The following SHISA9 variants were observed in gnomAD, a reference collection of about 807,000 sequenced individuals.
SHISA9 encodes the protein shisa family member 9.
A neutral mutation model predicts 38.0 loss-of-function variants in SHISA9; 13 were observed. That is an observed-to-expected ratio of 0.34 (90% confidence interval 0.22 to 0.54). The LOEUF is 0.54. Ranked by LOEUF, SHISA9 falls within the 20% of genes least tolerant of loss-of-function variation. SHISA9 has a pLI of 0.91. For missense variants in SHISA9, 538 were observed against 575.8 expected, an observed-to-expected ratio of 0.93 and a Z score of 0.67; for synonymous variants, 275 against 242.0, an observed-to-expected ratio of 1.14 and a Z score of -1.27.
intron 2 of SHISA9, among the ~76,000 whole-genome samples, chr16:13,017,856 A>G (rs879580614): frequency 5.9e-5 from 9 of 152,236 alleles, no homozygotes; most frequent in Non-Finnish European, 1.3e-4. Flanking sequence ...CATGCATTCA[A>G]TCCAGAATGT....
At chr16:13,464,826 C>T in the SHISA9 span, among the ~76,000 whole-genome samples, 35,559 of 150,948 alleles carry the variant, frequency 0.24, 4,309 homozygotes, top group South Asian at 0.31. Context: ...TATGCCCACC[C>T]CCACCCCCCA....
At chr16:13,521,445 T>C in the SHISA9 span, among the ~76,000 whole-genome samples, 5 of 152,226 alleles carry the variant, frequency 3.3e-5, no homozygotes, top group Non-Finnish European at 5.9e-5. Flanking sequence ...ATTTACACAA[T>C]TGACTCTGCT....
the SHISA9 span, among the ~76,000 whole-genome samples, chr16:13,353,168 G>A: frequency 1.3e-5 from 2 of 152,166 alleles, no homozygotes; most frequent in Non-Finnish European, 2.9e-5. Context: ...CCTAGAGTGG[G>A]AGAGATTAAG....
chr16:13,241,020 G>T (rs1387307349), downstream of SHISA9, among the ~76,000 whole-genome samples: 1 of 152,190 alleles, frequency 6.6e-6, no homozygotes, highest in African/African-American at 2.4e-5. Flanking sequence ...ACTATGCACG[G>T]CTGGAGTTTC....
chr16:13,249,967 C>A, the SHISA9 span, among the ~76,000 whole-genome samples: 44 of 152,260 alleles, frequency 2.9e-4, no homozygotes, highest in Non-Finnish European at 6.0e-4. Flanking sequence ...CTCCTAGGCT[C>A]AAGCAATGCT....
At chr16:13,416,438 T>C in the SHISA9 span, among the ~76,000 whole-genome samples, 1,077 of 152,260 alleles carry the variant, frequency 7.1e-3, 7 homozygotes, top group African/African-American at 0.022. Flanking sequence ...AGTTTAACCA[T>C]CATATGTCAT....
intron 2 of SHISA9, among the ~76,000 whole-genome samples, chr16:12,975,238 C>T (rs960860346): frequency 1.3e-5 from 2 of 152,090 alleles, no homozygotes; most frequent in East Asian, 1.9e-4. Flanking sequence ...TTGGGGAGGG[C>T]GTTCAAGAAT....
the SHISA9 span, among the ~76,000 whole-genome samples, chr16:13,406,922 G>T: frequency 6.6e-6 from 1 of 151,844 alleles, no homozygotes; most frequent in South Asian, 2.1e-4. Flanking sequence ...TACAAAATTA[G>T]CTGGGTGTGG....
In SHISA9 at chr16:12,955,280, C is replaced by T. The variant is rs566998845; in HGVS notation, c.691+38465C>T. On this transcript the variant is annotated intron_variant, in intron 2 of 4. Coordinates refer to ENST00000558583, the MANE Select transcript of SHISA9 (RefSeq NM_001145204.3). ...AGTTTGGTTCACTTAATGGCCATTG[C>T]TTCCTCATTTTCTTGCCAAGTGACC... is the stretch of plus-strand genomic sequence containing the variant. Among the ~76,000 whole-genome samples, 402 of 152,196 alleles carry T rather than the reference C, an allele frequency of 2.6e-3. 1 individual carries two copies. The highest frequency in any genetic ancestry group is 4.3e-3 in the Admixed American group (65 of 15,280).
chr16:13,113,849 A>G (rs1196011401), intron 2 of SHISA9, among the ~76,000 whole-genome samples: 1 of 152,204 alleles, frequency 6.6e-6, no homozygotes, highest in Non-Finnish European at 1.5e-5. Flanking sequence ...GTCAAGAGGA[A>G]TTATCACCTG....
intron 1 of SHISA9, chr16:12,911,731 T>A (rs984895800): frequency 6.6e-6 from 1 of 152,234 alleles, no homozygotes; most frequent in African/African-American, 2.4e-5. Context: ...TGTGAGAAGC[T>A]TTTGAAGAGA....
chr16:12,954,554 A>G (rs1160990994), intron 2 of SHISA9, among the ~76,000 whole-genome samples: 1 of 152,212 alleles, frequency 6.6e-6, no homozygotes, highest in African/African-American at 2.4e-5. Flanking sequence ...GTGGCCTAGT[A>G]GAAATAGAAC....
intron 2 of SHISA9, among the ~76,000 whole-genome samples, chr16:13,055,094 TATA>T (rs2073295201): frequency 6.6e-6 from 1 of 152,204 alleles, no homozygotes; most frequent in Non-Finnish European, 1.5e-5. Context: ...GCCATCATCA[TATA>T]ATAATAGCTC....
chr16:13,545,068 A>T, the SHISA9 span, among the ~76,000 whole-genome samples: 35 of 152,232 alleles, frequency 2.3e-4, no homozygotes, highest in Non-Finnish European at 4.1e-4. Context: ...AGGCCTAGCA[A>T]ATATCAAATC....
At chr16:13,512,110 G>C in the SHISA9 span, among the ~76,000 whole-genome samples, 13 of 152,200 alleles carry the variant, frequency 8.5e-5, no homozygotes, top group Non-Finnish European at 1.5e-5. Flanking sequence ...AGCCTCAAAA[G>C]ATTAAAGTGT....
chr16:13,080,380 T>A (rs1240998922), intron 2 of SHISA9, among the ~76,000 whole-genome samples: 3 of 152,082 alleles, frequency 2.0e-5, no homozygotes, highest in Non-Finnish European at 2.9e-5. Context: ...CTCAAAAAAA[T>A]AAATAAATAA....
chr16:13,502,054 A>C, the SHISA9 span, among the ~76,000 whole-genome samples: 3 of 152,128 alleles, frequency 2.0e-5, no homozygotes, highest in Non-Finnish European at 4.4e-5. Flanking sequence ...AGATGGATGA[A>C]TGGAAGGATG....
At chr16:13,306,623 C>T in the SHISA9 span, among the ~76,000 whole-genome samples, 2 of 152,156 alleles carry the variant, frequency 1.3e-5, no homozygotes, top group East Asian at 3.9e-4. Context: ...GATCCACTTC[C>T]AAGATGATTC....
chr16:13,409,040 C>A, the SHISA9 span, among the ~76,000 whole-genome samples: 1 of 152,172 alleles, frequency 6.6e-6, no homozygotes, highest in Non-Finnish European at 1.5e-5. Flanking sequence ...GAACCCCAGG[C>A]TCCGGAAGCA....
Sources: allele counts gnomAD v4.1 joint callset (sites outside exome capture counted in the v4.1 genomes callset), GRCh38; gene constraint gnomAD v4.1.1; transcripts MANE v1.5; gene names NCBI Gene and HGNC (gene_info 2026-07-23, HGNC 2026-07-21).